The following GCA variants were observed in gnomAD, a reference collection of about 807,000 sequenced individuals.
The protein encoded by GCA is grancalcin.
In GCA, 30 loss-of-function variants were observed where a neutral mutation model predicts 32.6. The observed-to-expected ratio is 0.92, with a 90% confidence interval of 0.69 to 1.25. GCA has a LOEUF of 1.25. Ranked by LOEUF, GCA falls within the 50% of genes most tolerant of loss-of-function variation. The pLI is 0.00. For missense variants in GCA, 291 were observed against 266.8 expected (o/e 1.09, Z -0.63); for synonymous variants, 102 against 84.6 (o/e 1.21, Z -1.13).
intron 1 of GCA, among the ~76,000 whole-genome samples, chr2:162,328,727 C>T (rs1683976757): frequency 6.6e-6 from 1 of 152,208 alleles, no homozygotes; most frequent in South Asian, 2.1e-4. Flanking sequence ...CAATTAAACC[C>T]TCTACCTTGT....
At chr2:162,329,260 TAAAGG>T (rs994336397) in intron 1 of GCA, among the ~76,000 whole-genome samples, 7 of 152,180 alleles carry the variant, frequency 4.6e-5, no homozygotes, top group Admixed American at 6.5e-5. Context: ...TCCTATCATT[TAAAGG>T]GACCAGATTC....
At chr2:162,370,334 A>AT (rs1685888029) in intron 4 of GCA, among the ~76,000 whole-genome samples, 1 of 152,168 alleles carries the variant, frequency 6.6e-6, no homozygotes, top group African/African-American at 2.4e-5. Context: ...AATGGATCAG[A>AT]GTTCATAATT....
At chr2:162,357,966 T>G (rs1685370050) in intron 5 of GCA, among the ~76,000 whole-genome samples, 1 of 151,688 alleles carries the variant, frequency 6.6e-6, no homozygotes, top group East Asian at 1.9e-4. Flanking sequence ...AGCTCATAAC[T>G]CTCTAATATG....
rs532959454 is a variant in GCA at position 162,329,052 on chromosome 2, G to A, written c.-31+9827G>A. Among the ~76,000 whole-genome samples the A allele has an allele frequency of 8.5e-5, 13 of 152,182 alleles. No homozygotes were observed. The East Asian group carries it at 2.5e-3, about 29-fold the overall frequency. On this transcript the variant is annotated intron_variant, in intron 1 of 4. Transcript: ENST00000429691. Reference sequence around the variant, plus strand: ...GCCGCCTGTGTATTCTTCTGCTGATGTTCTCCTCTTGATGTCCAGCTCCTT... The same window carrying A: ...GCCGCCTGTGTATTCTTCTGCTGATATTCTCCTCTTGATGTCCAGCTCCTT...
chr2:162,373,825 T>C (rs1686056606), downstream of GCA, among the ~76,000 whole-genome samples: 1 of 152,234 alleles, frequency 6.6e-6, no homozygotes, highest in Admixed American at 6.5e-5. Flanking sequence ...GGATACTTAC[T>C]GTGTATGTCT....
intron 1 of GCA, among the ~76,000 whole-genome samples, chr2:162,330,224 T>C: frequency 6.6e-6 from 1 of 152,158 alleles, no homozygotes; most frequent in Non-Finnish European, 1.5e-5. Context: ...GGTATTTCTG[T>C]CTTTAGGTCT....
At chr2:162,334,869 G>T (rs371575092) in intron 1 of GCA, among the ~76,000 whole-genome samples, 2 of 152,268 alleles carry the variant, frequency 1.3e-5, no homozygotes, top group African/African-American at 4.8e-5. Context: ...TGCTTTTCCT[G>T]AGCTTTCTAT....
chr2:162,318,846 G>C (rs1443268130), upstream of GCA: 1 of 183,448 alleles, frequency 5.5e-6, no homozygotes, highest in Non-Finnish European at 1.2e-5. Flanking sequence ...AAAGGAAAGC[G>C]AATTCTCTCT....
chr2:162,373,752 A>G, downstream of GCA: 2 of 793,334 alleles, frequency 2.5e-6, no homozygotes, highest in Non-Finnish European at 3.6e-6. Flanking sequence ...ACCAAGAAAC[A>G]GAATTATGGC....
In GCA at chr2:162,361,544, C is replaced by T. The variant is rs746640268; in HGVS notation, c.*1301C>T. On this transcript the variant is annotated 3_prime_UTR_variant, in exon 8 of 8. Transcript: ENST00000437150. ...ATGGATGGAGGATAGATGGCAATATCTTGAACAAAATCTTTTATAAACTTA... is the reference window on the plus strand; with the variant it reads ...ATGGATGGAGGATAGATGGCAATATTTTGAACAAAATCTTTTATAAACTTA... 2.5e-5 allele frequency: 25 copies of T among 981,352 alleles called. No homozygotes were observed. The highest frequency in any genetic ancestry group is 2.4e-5 in the Non-Finnish European group (20 of 826,552). 60.8% of individuals were successfully genotyped at this position (981,352 alleles called of 1,614,324 possible). A position where few individuals can be genotyped will look rare whatever the true frequency, so the allele number is the denominator to read the frequency against.
At chr2:162,374,851 G>A (rs559527866), downstream of GCA, among the ~76,000 whole-genome samples, 55 of 152,026 alleles carry the variant, frequency 3.6e-4, no homozygotes, top group African/African-American at 1.2e-3. Flanking sequence ...AGCTATGAAT[G>A]ATACATGACT....
At chr2:162,327,965 GC>G (rs1351499777) in intron 1 of GCA, among the ~76,000 whole-genome samples, 1 of 152,200 alleles carries the variant, frequency 6.6e-6, no homozygotes, top group Non-Finnish European at 1.5e-5. Flanking sequence ...AGTCCTCACA[GC>G]CCTCGCTGGC....
intron 3 of GCA, among the ~76,000 whole-genome samples, chr2:162,353,370 A>G (rs1463872950): frequency 6.6e-6 from 1 of 152,158 alleles, no homozygotes; most frequent in Non-Finnish European, 1.5e-5. Flanking sequence ...CGGGAGACTG[A>G]GGCAGGAGAA....
chr2:162,366,532 CCG>C, downstream of GCA, among the ~76,000 whole-genome samples: 1 of 151,794 alleles, frequency 6.6e-6, no homozygotes, highest in Non-Finnish European at 1.5e-5. Context: ...TGACATTTAA[CCG>C]AAGTGTGTTT....
chr2:162,354,475 A>G (rs140769416), intron 3 of GCA, among the ~76,000 whole-genome samples: 65 of 152,328 alleles, frequency 4.3e-4, no homozygotes, highest in African/African-American at 1.5e-3. Context: ...TCCAGAGAAT[A>G]AAATTCCAGA....
upstream of GCA, among the ~76,000 whole-genome samples, chr2:162,342,276 T>C (rs1352734478): frequency 2.6e-5 from 4 of 152,230 alleles, no homozygotes; most frequent in Admixed American, 2.0e-4. Context: ...AGTTAAGAGA[T>C]ATATTGGCAG....
rs2105357042 is a variant in GCA at position 162,361,293 on chromosome 2, G to A, written c.*1050G>A. On this transcript the variant is annotated 3_prime_UTR_variant, in exon 8 of 8. Transcript: ENST00000437150. ...GTACTAAAACTGCCGAAAATGCGACGTAGAATCACCAGATCTTTAGTGTTT... is the reference window on the plus strand; with the variant it reads ...GTACTAAAACTGCCGAAAATGCGACATAGAATCACCAGATCTTTAGTGTTT... The A allele has an allele frequency of 7.1e-6, 7 of 984,644 alleles. 1 individual carries two copies. Among genetic ancestry groups the A allele is most frequent in the South Asian group, 4.7e-5 (1 of 21,282 alleles). The allele number at this position is 984,644 out of a possible 1,614,324, so 61.0% of individuals were successfully genotyped here. A position where few individuals can be genotyped will look rare whatever the true frequency, so the allele number is the denominator to read the frequency against.
intron 1 of GCA, among the ~76,000 whole-genome samples, chr2:162,326,563 C>A (rs1283244167): frequency 6.6e-6 from 1 of 152,092 alleles, no homozygotes. Flanking sequence ...GTCACCCAGG[C>A]TGGAGTGCAA....
chr2:162,361,792 G>A lies in GCA; in HGVS notation c.*1549G>A. ...ACTGAGCTGGGAAATTAAAGAAACA[G>A]AATTCTAATTAGAAGTGTTGTAGGA... On this transcript the variant is annotated 3_prime_UTR_variant, in exon 8 of 8. Transcript: ENST00000437150. The A allele has an allele frequency of 3.0e-6, 3 of 984,220 alleles. No individual in the cohort carries two copies. Among genetic ancestry groups the A allele is most frequent in the Non-Finnish European group, 3.6e-6 (3 of 829,056 alleles). 61.0% of individuals were successfully genotyped at this position (984,220 alleles called of 1,614,324 possible). A position where few individuals can be genotyped will look rare whatever the true frequency, so the allele number is the denominator to read the frequency against.
Sources: allele counts gnomAD v4.1 joint callset (sites outside exome capture counted in the v4.1 genomes callset), GRCh38; gene constraint gnomAD v4.1.1; transcripts MANE v1.5; gene names NCBI Gene and HGNC (gene_info 2026-07-23, HGNC 2026-07-21).